IFNGR2: variants seen among roughly 807,000 people sequenced by gnomAD.
IFNGR2 encodes interferon gamma receptor 2.
Under a neutral mutation model 41.1 loss-of-function variants are expected in IFNGR2, and 15 were observed. The observed-to-expected ratio is 0.37, with a 90% CI of 0.24 to 0.56. The LOEUF (loss-of-function observed/expected upper bound fraction) is 0.56. IFNGR2 is among the 20% of genes least tolerant of loss of function. The pLI, the probability that IFNGR2 is intolerant of heterozygous loss-of-function variation, is 0.81. For synonymous variants in IFNGR2, 161 were observed against 171.6 expected (o/e 0.94, Z 0.48); for missense variants, 362 against 415.7 (o/e 0.87, Z 1.12).
At chr21:33,420,412 A>G (rs1023986303) in intron 2 of IFNGR2, among the ~76,000 whole-genome samples, 20 of 152,252 alleles carry the variant, frequency 1.3e-4, no homozygotes, top group South Asian at 6.2e-4. Context: ...CTAGAGTCCC[A>G]CGTGGGAGTG....
intron 4 of IFNGR2, among the ~76,000 whole-genome samples, chr21:33,429,922 TGAG>T (rs1392865995): frequency 6.6e-6 from 1 of 152,112 alleles, no homozygotes; most frequent in Admixed American, 6.5e-5. Context: ...GCAGATCACT[TGAG>T]GTCAGGGGTT....
At chr21:33,418,148 G>A (rs554318850) in intron 2 of IFNGR2, among the ~76,000 whole-genome samples, 12 of 152,106 alleles carry the variant, frequency 7.9e-5, no homozygotes, top group East Asian at 3.9e-4. Flanking sequence ...CCTCCGCCTC[G>A]TGGGTTCAAG....
At chr21:33,421,833 GAGGCTGATGCT>G in intron 3 of IFNGR2, 148 bp downstream of exon 3, 1 of 750,890 alleles carries the variant, frequency 1.3e-6, no homozygotes, top group Non-Finnish European at 2.3e-6. Context: ...TCTGACCTTG[GAGGCTGATGCT>G]AAGGGAGTGT....
At chr21:33,436,314 G>A (rs1018589165) in intron 6 of IFNGR2, among the ~76,000 whole-genome samples, 3 of 151,546 alleles carry the variant, frequency 2.0e-5, no homozygotes, top group Admixed American at 6.6e-5. Flanking sequence ...GGGCAACAAC[G>A]TGAAACTCCG....
At chr21:33,427,091 AAAAG>A in intron 4 of IFNGR2, 59 bp downstream of exon 4, 6 of 1,465,444 alleles carry the variant, frequency 4.1e-6, no homozygotes, top group Non-Finnish European at 3.8e-6. Flanking sequence ...CTGGCTTAGC[AAAAG>A]AAAGAAACCT....
At chr21:33,410,794 A>T (rs1568950734) in intron 1 of IFNGR2, 2 of 1,337,672 alleles carry the variant, frequency 1.5e-6, no homozygotes, top group Non-Finnish European at 1.0e-6. Flanking sequence ...TACATGTTGT[A>T]TTTTTAAAAT....
intron 3 of IFNGR2, among the ~76,000 whole-genome samples, chr21:33,424,369 T>C (rs1315644437): frequency 1.3e-5 from 2 of 152,002 alleles, no homozygotes; most frequent in Non-Finnish European, 2.9e-5. Flanking sequence ...AGAAGCAGGA[T>C]GTATCGTGAC....
At chr21:33,406,871 ACTC>A (rs1171444095) in intron 1 of IFNGR2, among the ~76,000 whole-genome samples, 1 of 151,640 alleles carries the variant, frequency 6.6e-6, no homozygotes, top group East Asian at 1.9e-4. Flanking sequence ...CTGGTTTTGA[ACTC>A]CTGGGGTCAA....
intron 3 of IFNGR2, among the ~76,000 whole-genome samples, chr21:33,424,818 T>A (rs578160774): frequency 1.6e-4 from 25 of 152,348 alleles, no homozygotes; most frequent in African/African-American, 4.8e-4. Flanking sequence ...CTCAGTTCAC[T>A]GCAGCCTCCG....
At chr21:33,409,296 CG>C (rs972165337) in intron 1 of IFNGR2, among the ~76,000 whole-genome samples, 1 of 151,644 alleles carries the variant, frequency 6.6e-6, no homozygotes, top group Non-Finnish European at 1.5e-5. Context: ...GGTGAAACCT[CG>C]TCTCTCCTAA....
At chr21:33,426,461 G>A (rs2083836668) in intron 3 of IFNGR2, among the ~76,000 whole-genome samples, 2 of 151,946 alleles carry the variant, frequency 1.3e-5, no homozygotes. Flanking sequence ...GCTCACACCT[G>A]TAATCTCAGC....
chr21:33,403,427 G>A lies in IFNGR2; in HGVS notation c.-117G>A. 1 of 475,562 alleles carries A rather than the reference G, an allele frequency of 2.1e-6. No homozygotes were observed. The highest frequency in any genetic ancestry group is 2.9e-6 in the Non-Finnish European group (1 of 348,302). The allele number at this position is 475,562 out of a possible 1,614,324, so 29.5% of individuals were successfully genotyped here. On this transcript the variant is annotated 5_prime_UTR_variant, in exon 1 of 7. Coordinates refer to ENST00000290219, the MANE Select transcript of IFNGR2 (RefSeq NM_005534.4). ...GACGCCCCGCTGCTGCTCGGGAAGA[G>A]GCGGGCCCTGCGCGCCCTGCGCTCG...
intron 2 of IFNGR2, among the ~76,000 whole-genome samples, chr21:33,417,413 G>T (rs538341313): frequency 4.6e-5 from 7 of 152,140 alleles, no homozygotes; most frequent in African/African-American, 1.4e-4. Context: ...TTAAATGTCC[G>T]TTGTAACAGT....
chr21:33,436,461 G>A (rs983285313), intron 6 of IFNGR2, among the ~76,000 whole-genome samples: 1 of 151,470 alleles, frequency 6.6e-6, no homozygotes, highest in African/African-American at 2.4e-5. Context: ...AGTGGCTCAC[G>A]CCTATAATCC....
At chr21:33,411,747 G>C (rs1157396644) in intron 1 of IFNGR2, among the ~76,000 whole-genome samples, 4 of 152,176 alleles carry the variant, frequency 2.6e-5, no homozygotes, top group African/African-American at 7.2e-5. Context: ...CAAAGAATGG[G>C]AGTGGCCTCT....
intron 2 of IFNGR2, among the ~76,000 whole-genome samples, chr21:33,418,213 C>T (rs924257625): frequency 2.0e-5 from 3 of 152,164 alleles, no homozygotes; most frequent in East Asian, 1.9e-4. Flanking sequence ...CCCACCACTA[C>T]GCCCGGCTGA....
intron 3 of IFNGR2, among the ~76,000 whole-genome samples, chr21:33,424,569 T>A (rs1197298911): frequency 6.6e-6 from 1 of 151,932 alleles, no homozygotes; most frequent in Non-Finnish European, 1.5e-5. Flanking sequence ...ATGGAGGTGG[T>A]TTACCAAGCA....
At chr21:33,403,067 T>A (rs1194843176), upstream of IFNGR2, 2 of 126,400 alleles carry the variant, frequency 1.6e-5, no homozygotes, top group African/African-American at 6.0e-5. Flanking sequence ...CCTCGAATTG[T>A]GCGATCAAGC....
chr21:33,426,669 G>A (rs1159003446), intron 3 of IFNGR2, among the ~76,000 whole-genome samples: 2 of 151,736 alleles, frequency 1.3e-5, no homozygotes, highest in South Asian at 2.1e-4. Context: ...GCAGTGAGCC[G>A]AGATCGCACA....
Sources: allele counts gnomAD v4.1 joint callset (sites outside exome capture counted in the v4.1 genomes callset), GRCh38; gene constraint gnomAD v4.1.1; transcripts MANE v1.5; gene names NCBI Gene and HGNC (gene_info 2026-07-23, HGNC 2026-07-21).